LRRTM3: variants seen among roughly 807,000 people sequenced by gnomAD.
LRRTM3 encodes leucine rich repeat transmembrane neuronal 3.
In LRRTM3, 24 loss-of-function variants were observed where a neutral mutation model predicts 44.7. The observed-to-expected ratio is 0.54, with a 90% CI of 0.39 to 0.76. LRRTM3 has a LOEUF of 0.76. Ranked by LOEUF, LRRTM3 falls within the 30% of genes least tolerant of loss-of-function variation. The probability of loss-of-function intolerance (pLI) is 0.00; values close to 1 mark genes in which losing one functional copy is unlikely to be tolerated. For missense variants in LRRTM3, 587 were observed against 702.2 expected (o/e 0.84, Z 1.85); for synonymous variants, 277 against 278.7 (o/e 0.99, Z 0.06).
chr10:67,001,257 A>C (rs189658375), intron 2 of LRRTM3, among the ~76,000 whole-genome samples: 2,640 of 149,588 alleles, frequency 0.018, 82 homozygotes, highest in African/African-American at 0.061. Context: ...GCCGAGATGG[A>C]GCCACTGCAC....
At chr10:67,015,400 T>G (rs1272071644) in intron 2 of LRRTM3, 3 of 152,194 alleles carry the variant, frequency 2.0e-5, no homozygotes, top group Non-Finnish European at 2.9e-5. Flanking sequence ...GTCTAAGTTT[T>G]GTTTCAGAAT....
chr10:67,040,615 T>C (rs1443071212), intron 2 of LRRTM3, among the ~76,000 whole-genome samples: 1 of 152,120 alleles, frequency 6.6e-6, no homozygotes, highest in Non-Finnish European at 1.5e-5. Flanking sequence ...AATATGTGTC[T>C]ATATTTTTTA....
At chr10:67,020,306 C>A (rs1293965271) in intron 2 of LRRTM3, among the ~76,000 whole-genome samples, 1 of 152,086 alleles carries the variant, frequency 6.6e-6, no homozygotes, top group Non-Finnish European at 1.5e-5. Flanking sequence ...AATATACAGC[C>A]TCATGTTAAA....
At chr10:67,088,967 T>C (rs1043204342) in intron 2 of LRRTM3, among the ~76,000 whole-genome samples, 2 of 151,946 alleles carry the variant, frequency 1.3e-5, no homozygotes, top group African/African-American at 2.4e-5. Context: ...AATAGAACAA[T>C]ACAGTATAAT....
chr10:66,987,756 A>C (rs1207497215), intron 2 of LRRTM3, among the ~76,000 whole-genome samples: 1 of 152,180 alleles, frequency 6.6e-6, no homozygotes, highest in Non-Finnish European at 1.5e-5. Context: ...GAACTACTTC[A>C]TTTCTGTGAA....
At chr10:66,995,831 T>C (rs1851298194) in intron 2 of LRRTM3, among the ~76,000 whole-genome samples, 1 of 152,184 alleles carries the variant, frequency 6.6e-6, no homozygotes, top group Non-Finnish European at 1.5e-5. Context: ...CTACAAACCT[T>C]CCTGAAATCC....
intron 2 of LRRTM3, among the ~76,000 whole-genome samples, chr10:66,932,177 G>C (rs1442617318): frequency 6.6e-6 from 1 of 152,180 alleles, no homozygotes; most frequent in Non-Finnish European, 1.5e-5. Context: ...TACAGTCTAA[G>C]AGGTGATGAT....
At chr10:67,065,757 C>G (rs547448165) in intron 2 of LRRTM3, among the ~76,000 whole-genome samples, 1 of 152,064 alleles carries the variant, frequency 6.6e-6, no homozygotes, top group East Asian at 1.9e-4. Flanking sequence ...TGTGAATGAC[C>G]AAATGGAAAG....
In LRRTM3 at chr10:66,928,181, C is replaced by T; in HGVS notation, c.1265C>T (p.Ala422Val). 2.5e-6 allele frequency: 4 copies of T among 1,614,090 alleles called. No individual in the cohort carries two copies. Among genetic ancestry groups the T allele is most frequent in the Non-Finnish European group, 3.4e-6 (4 of 1,180,034 alleles). Reference sequence around the variant, plus strand: ...CACATCTCTTTCCATAAAATCATCGCGGGCAGCGTGGCGCTTTTCCTGTCC... The same window carrying T: ...CACATCTCTTTCCATAAAATCATCGTGGGCAGCGTGGCGCTTTTCCTGTCC... ...AEHISFHKII[A>V]GSVALFLSVL... Residue 422 changes from alanine (A) to valine (V), a missense_variant, in exon 2 of 3, where the codon GCG (alanine) becomes GTG (valine). Ala to Val is a moderately conservative substitution (Grantham distance 64). This residue lies in a region of LRRTM3 where 315 missense variants were observed against 335.6 expected (regional missense o/e 0.94). Coordinates refer to ENST00000361320, the MANE Select transcript of LRRTM3 (RefSeq NM_178011.5).
At chr10:67,052,471 T>C (rs1589666172) in intron 2 of LRRTM3, 1 of 152,098 alleles carries the variant, frequency 6.6e-6, no homozygotes, top group African/African-American at 2.4e-5. Context: ...CTAATCCAAA[T>C]AATATTTCCC....
intron 2 of LRRTM3, among the ~76,000 whole-genome samples, chr10:66,995,360 C>T (rs1851271009): frequency 6.6e-6 from 1 of 152,004 alleles, no homozygotes; most frequent in African/African-American, 2.4e-5. Flanking sequence ...TTCTTCATAC[C>T]CACTGCCATA....
chr10:67,068,546 AGT>A lies in LRRTM3; in HGVS notation c.1537-29037_1537-29036del, dbSNP rs966513107. On this transcript the variant is annotated intron_variant, in intron 2 of 2. Transcript: ENST00000361320. ...GTTAAAATCACACAAAGAATTTTAT[AGT>A]GTGAGAAGCAGGTCAAGAACAGAAC... Among the ~76,000 whole-genome samples, 36 of 152,204 alleles carry A rather than the reference AGT, an allele frequency of 2.4e-4. 1 individual carries two copies. The highest frequency in any genetic ancestry group is 2.4e-4 in the Non-Finnish European group (16 of 68,028).
intron 2 of LRRTM3, among the ~76,000 whole-genome samples, chr10:67,077,302 T>C (rs911518837): frequency 2.0e-5 from 3 of 152,200 alleles, no homozygotes; most frequent in Non-Finnish European, 2.9e-5. Context: ...CGTGCTTAAA[T>C]CCTTCATTGG....
At chr10:67,060,666 GTCTC>G (rs141445121) in intron 2 of LRRTM3, among the ~76,000 whole-genome samples, 1 of 150,406 alleles carries the variant, frequency 6.6e-6, no homozygotes, top group African/African-American at 2.4e-5. Flanking sequence ...ATGGGTTCCT[GTCTC>G]TCTCTCTCTC....
At chr10:66,977,923 T>C (rs923233981) in intron 2 of LRRTM3, among the ~76,000 whole-genome samples, 23 of 152,152 alleles carry the variant, frequency 1.5e-4, no homozygotes, top group African/African-American at 4.8e-4. Flanking sequence ...TTAATACTTA[T>C]GGAACCAAAA....
chr10:67,069,277 T>C (rs1856287202), intron 2 of LRRTM3, among the ~76,000 whole-genome samples: 1 of 151,704 alleles, frequency 6.6e-6, no homozygotes, highest in African/African-American at 2.4e-5. Context: ...TTAAAAAGAG[T>C]TTGGATAATC....
At position 67,083,170 on chromosome 10, in the gene LRRTM3, G is replaced by GA. The variant is rs879466639; in HGVS notation, c.1537-14406dup. On this transcript the variant is annotated intron_variant, in intron 2 of 2. Transcript: ENST00000361320. ...ATATCCATAGGTCTACCTAATTTGA[G>GA]AAAAAAAAAAACTTCCTTTATTCGA... Among the ~76,000 whole-genome samples the GA allele has an allele frequency of 1.7e-3, 245 of 144,390 alleles. 1 individual carries two copies. Among genetic ancestry groups the GA allele is most frequent in the Admixed American group, 3.7e-3 (54 of 14,506 alleles). 94.7% of individuals were successfully genotyped at this position (144,390 alleles called of 152,430 possible).
chr10:66,948,027 G>T (rs1264896798), intron 2 of LRRTM3, among the ~76,000 whole-genome samples: 1 of 152,200 alleles, frequency 6.6e-6, no homozygotes, highest in East Asian at 1.9e-4. Flanking sequence ...GTAGGCATTT[G>T]TAACACAATG....
At chr10:67,053,982 G>C (rs1474781540) in intron 2 of LRRTM3, among the ~76,000 whole-genome samples, 2 of 151,688 alleles carry the variant, frequency 1.3e-5, no homozygotes, top group Admixed American at 1.3e-4. Context: ...CTTAGGAAAA[G>C]TAACTCCCTC....
Sources: gnomAD v4.1 joint callset for allele counts (sites outside exome capture counted in the v4.1 genomes callset) on GRCh38, gnomAD v4.1.1 for gene constraint, gnomAD v4.1.1 regional missense constraint, MANE v1.5 for transcripts, NCBI Gene and HGNC (gene_info 2026-07-23, HGNC 2026-07-21) for gene names.